Variants in DPP10 observed in about 807,000 individuals in gnomAD.
The protein encoded by DPP10 is dipeptidyl peptidase like 10, also known as inactive dipeptidyl peptidase 10.
A neutral mutation model predicts 120.9 loss-of-function variants in DPP10; 33 were observed. That is an observed-to-expected ratio of 0.27 (90% CI 0.21 to 0.37). The LOEUF is 0.37. Among genes scored for constraint, DPP10 ranks in the 10% least tolerant of loss-of-function variants. The probability of loss-of-function intolerance (pLI) is 1.00; values close to 1 mark genes in which losing one functional copy is unlikely to be tolerated. For synonymous variants in DPP10, 337 were observed against 326.1 expected, an observed-to-expected ratio of 1.03 and a Z score of -0.36; for missense variants, 816 against 942.8, an observed-to-expected ratio of 0.87 and a Z score of 1.76.
chr2:114,588,592 A>G (rs969008523), intron 1 of DPP10, among the ~76,000 whole-genome samples: 4 of 152,218 alleles, frequency 2.6e-5, no homozygotes, highest in Non-Finnish European at 5.9e-5. Context: ...ACTATATGTT[A>G]TATGTATGAC....
chr2:115,496,837 A>G (rs2076420375), intron 3 of DPP10, among the ~76,000 whole-genome samples: 1 of 152,100 alleles, frequency 6.6e-6, no homozygotes, highest in South Asian at 2.1e-4. Context: ...GTTATTACTC[A>G]ATGAGTTTCC....
intron 3 of DPP10, among the ~76,000 whole-genome samples, chr2:115,378,069 G>GT (rs1276280182): frequency 2.0e-5 from 3 of 152,088 alleles, no homozygotes; most frequent in African/African-American, 7.2e-5. Flanking sequence ...CTTTAAAGTA[G>GT]TTTTTTCCAA....
rs190530839 is a variant in DPP10, at chr2:114,868,914, C to T, written c.60+426076C>T. Among the ~76,000 whole-genome samples the T allele has an allele frequency of 3.6e-3, 544 of 152,184 alleles. 2 individuals are homozygous for T. The highest frequency in any genetic ancestry group is 0.013 in the African/African-American group (524 of 41,520). On this transcript the variant is annotated intron_variant, in intron 1 of 25. Transcript: ENST00000410059. Reference sequence around the variant, plus strand: ...ATTTGATTAGCTTCAATAACCGGAGCCTGTTTTTCTTTATCTGCAAGACTG... The same window carrying T: ...ATTTGATTAGCTTCAATAACCGGAGTCTGTTTTTCTTTATCTGCAAGACTG...
intron 1 of DPP10, among the ~76,000 whole-genome samples, chr2:114,869,646 A>G (rs900259832): frequency 6.6e-6 from 1 of 152,174 alleles, no homozygotes; most frequent in African/African-American, 2.4e-5. Flanking sequence ...GGAGGACTGG[A>G]ATGGAGGCCA....
In DPP10 at chr2:115,814,815, C is replaced by G. The variant is rs113462911; in HGVS notation, c.1723C>G (p.Leu575Val). The change falls in exon 20 of 26, where the codon CTG becomes GTG. Residue 575 changes from leucine (L) to valine (V), a missense_variant. By Grantham distance (32) the Leu-to-Val change is conservative. This residue lies in a region of DPP10 where 592 missense variants were observed against 649.0 expected (regional missense o/e 0.91). Coordinates refer to ENST00000410059, the MANE Select transcript of DPP10 (RefSeq NM_020868.6). ...CAGGGATGAAGAACCAGGAGGCCAG[C>G]TGGTTACAGATAAGTTCCATATTGA... ...LIMDEEPGGQ[L>V]VTDKFHIDWD... 1.9e-6 allele frequency: 3 copies of G among 1,558,540 alleles called. No individual in the cohort carries two copies. The highest frequency in any genetic ancestry group is 2.6e-6 in the Non-Finnish European group (3 of 1,140,454).
intron 1 of DPP10, among the ~76,000 whole-genome samples, chr2:115,125,730 C>G (rs1161519096): frequency 3.3e-5 from 5 of 151,998 alleles, no homozygotes; most frequent in African/African-American, 9.7e-5. Context: ...CTCCACCACA[C>G]AGGGCTAATT....
At chr2:114,733,631 G>A (rs1558683521) in intron 1 of DPP10, among the ~76,000 whole-genome samples, 1 of 152,218 alleles carries the variant, frequency 6.6e-6, no homozygotes, top group Admixed American at 6.5e-5. Context: ...GAGGAGAAAA[G>A]TTATTTTCCC....
chr2:114,589,038 G>C (rs6728343), intron 1 of DPP10, among the ~76,000 whole-genome samples: 2 of 109,880 alleles, frequency 1.8e-5, no homozygotes, highest in South Asian at 2.9e-4. Context: ...AGGTTTTTTT[G>C]GGGGGGGGGG....
intron 1 of DPP10, among the ~76,000 whole-genome samples, chr2:114,908,793 C>T (rs1694157596): frequency 6.6e-6 from 1 of 151,380 alleles, no homozygotes. Flanking sequence ...AATTATCTTG[C>T]TTGATTATTT....
At chr2:115,095,879 A>G (rs1370830139) in intron 1 of DPP10, among the ~76,000 whole-genome samples, 1 of 152,176 alleles carries the variant, frequency 6.6e-6, no homozygotes, top group Non-Finnish European at 1.5e-5. Context: ...TAAGTGGTGT[A>G]ATAGTAAAAT....
At chr2:114,709,203 G>A (rs986869756) in intron 1 of DPP10, among the ~76,000 whole-genome samples, 2 of 152,184 alleles carry the variant, frequency 1.3e-5, no homozygotes, top group African/African-American at 2.4e-5. Flanking sequence ...GACAGGAGGA[G>A]CCTGGGTACT....
At chr2:114,767,215 A>G (rs1441761795) in intron 1 of DPP10, among the ~76,000 whole-genome samples, 2 of 147,004 alleles carry the variant, frequency 1.4e-5, no homozygotes, top group African/African-American at 2.5e-5. Context: ...AGCAAAAAAA[A>G]AAAAAAAAAA....
At chr2:114,731,644 G>A (rs1461884378) in intron 1 of DPP10, among the ~76,000 whole-genome samples, 1 of 152,160 alleles carries the variant, frequency 6.6e-6, no homozygotes, top group African/African-American at 2.4e-5. Flanking sequence ...TAGCCATTCT[G>A]TAGGAGAACT....
chr2:114,941,407 A>G (rs935724868), intron 1 of DPP10, among the ~76,000 whole-genome samples: 3 of 152,182 alleles, frequency 2.0e-5, no homozygotes, highest in African/African-American at 7.2e-5. Flanking sequence ...CTTCTCCATG[A>G]ACAATCACTC....
intron 1 of DPP10, among the ~76,000 whole-genome samples, chr2:115,054,643 C>T (rs553582195): frequency 1.1e-4 from 16 of 152,208 alleles, no homozygotes; most frequent in East Asian, 3.9e-4. Context: ...CCCAGGGCGA[C>T]GGCTCATGCC....
chr2:115,406,455 T>C (rs995331946), intron 3 of DPP10, among the ~76,000 whole-genome samples: 1 of 152,198 alleles, frequency 6.6e-6, no homozygotes, highest in African/African-American at 2.4e-5. Context: ...AATATTATTC[T>C]ACTTAAATGA....
intron 1 of DPP10, among the ~76,000 whole-genome samples, chr2:115,281,871 A>T (rs568514723): frequency 2.2e-4 from 34 of 152,274 alleles, no homozygotes; most frequent in African/African-American, 7.5e-4. Flanking sequence ...TAAAATATTT[A>T]AAAATACTGA....
At chr2:115,137,929 A>G (rs549862554) in intron 1 of DPP10, among the ~76,000 whole-genome samples, 1 of 152,262 alleles carries the variant, frequency 6.6e-6, no homozygotes, top group East Asian at 1.9e-4. Context: ...AGCTTTACAC[A>G]GAGAAATGAA....
At chr2:115,618,065 A>G (rs1028014625) in intron 5 of DPP10, among the ~76,000 whole-genome samples, 1 of 152,170 alleles carries the variant, frequency 6.6e-6, no homozygotes, top group African/African-American at 2.4e-5. Context: ...TAAAACTTGA[A>G]TTATTTCTGG....
Sources: allele counts gnomAD v4.1 joint callset (sites outside exome capture counted in the v4.1 genomes callset), GRCh38; gene constraint gnomAD v4.1.1; regional missense constraint gnomAD v4.1.1; transcripts MANE v1.5; gene names NCBI Gene and HGNC (gene_info 2026-07-23, HGNC 2026-07-21).